Variants in PPP2R1B observed in about 807,000 individuals in gnomAD.
PPP2R1B encodes protein phosphatase 2 scaffold subunit Abeta.
A neutral mutation model predicts 72.7 loss-of-function variants in PPP2R1B; 58 were observed. The ratio of observed to expected loss-of-function variants is 0.80; its 90% CI spans 0.65 to 0.99. The LOEUF is 0.99. Ranked by LOEUF, PPP2R1B falls within the 50% of genes least tolerant of loss-of-function variation. The pLI is 0.00. For missense variants in PPP2R1B, 695 were observed against 733.6 expected (o/e 0.95, Z 0.61); for synonymous variants, 256 against 264.6 (o/e 0.97, Z 0.32).
the PPP2R1B span, chr11:111,705,216 C>T: frequency 2.1e-6 from 3 of 1,402,766 alleles, no homozygotes; most frequent in African/African-American, 4.5e-5. The surrounding 1 kb of genome is among the most constrained non-coding windows in gnomAD (Gnocchi z 4.3). Context: ...ATCTTATACA[C>T]AGGGTTAGGA....
At chr11:111,705,180 C>G in the PPP2R1B span, 1 of 1,489,088 alleles carries the variant, frequency 6.7e-7, no homozygotes, top group Middle Eastern at 1.8e-4. The surrounding 1 kb of genome is among the most constrained non-coding windows in gnomAD (Gnocchi z 4.3). Context: ...GTGCATGTGC[C>G]TGTTCACATG....
At chr11:111,704,771 C>A in the PPP2R1B span, among the ~76,000 whole-genome samples, 21 of 152,270 alleles carry the variant, frequency 1.4e-4, no homozygotes, top group African/African-American at 4.8e-4. Flanking sequence ...CTGGTAAACC[C>A]ATTTAAAGGG....
At chr11:111,710,945 T>C in the PPP2R1B span, among the ~76,000 whole-genome samples, 1 of 152,188 alleles carries the variant, frequency 6.6e-6, no homozygotes. Context: ...CTGCCTTTCA[T>C]AGTCTAGTAT....
downstream of PPP2R1B, chr11:111,724,170 T>A (rs765160763): frequency 6.4e-7 from 1 of 1,561,736 alleles, no homozygotes; most frequent in Non-Finnish European, 8.6e-7. Context: ...GAAGGAAGAG[T>A]GTATGTTCCT....
Position 111,741,480 on chromosome 11 carries a change from C to T in PPP2R1B, c.*116G>A. Reference sequence around the variant, plus strand: ...TAAATGATTTCTTCTAAGTTGTTGCCATTTGCTTGGATGAGATCTTGAAGG... The same window carrying T: ...TAAATGATTTCTTCTAAGTTGTTGCTATTTGCTTGGATGAGATCTTGAAGG... On this transcript the variant is annotated 3_prime_UTR_variant, in exon 15 of 15. Transcript: ENST00000527614. 2.0e-6 allele frequency: 3 copies of T among 1,510,784 alleles called. No homozygotes were observed. The highest frequency in any genetic ancestry group is 1.4e-5 in the South Asian group (1 of 72,638). 93.6% of individuals were successfully genotyped at this position (1,510,784 alleles called of 1,614,324 possible). A position where few individuals can be genotyped will look rare whatever the true frequency, so the allele number is the denominator to read the frequency against.
At chr11:111,722,557 A>T, downstream of PPP2R1B, 1 of 1,053,052 alleles carries the variant, frequency 9.5e-7, no homozygotes, top group Admixed American at 2.0e-5. This position sits in a 1 kb window ranked among gnomAD's most constrained non-coding sequence, Gnocchi z 4.4. Flanking sequence ...CCCCGTGTGG[A>T]TTCTGTAGAA....
chr11:111,722,422 C>G (rs1943829280), downstream of PPP2R1B, among the ~76,000 whole-genome samples: 1 of 152,230 alleles, frequency 6.6e-6, no homozygotes, highest in East Asian at 1.9e-4. The surrounding 1 kb of genome is among the most constrained non-coding windows in gnomAD (Gnocchi z 4.4). Context: ...TGTCCATGAG[C>G]CTCACAGTCC....
chr11:111,762,582 G>T (rs1163374682), intron 3 of PPP2R1B, among the ~76,000 whole-genome samples: 12 of 150,536 alleles, frequency 8.0e-5, no homozygotes. Context: ...AAGAGACAGG[G>T]TCTTGCTCTG....
chr11:111,712,154 G>T, the PPP2R1B span: 1 of 1,486,564 alleles, frequency 6.7e-7, no homozygotes, highest in South Asian at 1.2e-5. Flanking sequence ...AGAACTTTGT[G>T]TATTTATAGA....
intron 3 of PPP2R1B, among the ~76,000 whole-genome samples, chr11:111,762,418 A>G (rs1229856643): frequency 6.6e-6 from 1 of 152,072 alleles, no homozygotes; most frequent in Non-Finnish European, 1.5e-5. Context: ...GTACCACTGG[A>G]TAATAGCTAT....
In PPP2R1B at chr11:111,740,986, G is replaced by A. The variant is rs969068166; in HGVS notation, c.*610C>T. 22 of 985,528 alleles carry A rather than the reference G, an allele frequency of 2.2e-5. No individual in the cohort carries two copies. The highest frequency in any genetic ancestry group is 2.7e-5 in the Non-Finnish European group (22 of 830,124). 61.0% of individuals were successfully genotyped at this position (985,528 alleles called of 1,614,324 possible). A position where few individuals can be genotyped will look rare whatever the true frequency, so the allele number is the denominator to read the frequency against. ...CACACTTCAGGTTTCTGAATGACAT[G>A]AGTACAGACAAAATTGAGCAAATAA... On this transcript the variant is annotated 3_prime_UTR_variant, in exon 15 of 15. Transcript: ENST00000527614.
chr11:111,765,334 T>C lies in PPP2R1B; in HGVS notation c.165A>G (p.Gly55=). Residue 55 remains glycine (G), a synonymous_variant, in exon 2 of 15, where the codon GGA becomes GGG. Transcript: ENST00000527614. ...ACAATTCACTTCGGGTCCTTTCTAC[T>C]CCAAGTGCTAGGGCAATTGTTGATA... ...KKLSTIALAL[G]VERTRSELLP... The C allele has an allele frequency of 6.2e-7, 1 of 1,613,788 alleles. No homozygotes were observed. The highest frequency in any genetic ancestry group is 8.5e-7 in the Non-Finnish European group (1 of 1,179,704).
downstream of PPP2R1B, chr11:111,737,591 C>T (rs1241139486): frequency 1.2e-6 from 2 of 1,614,112 alleles, no homozygotes; most frequent in South Asian, 1.1e-5. Flanking sequence ...GACAGTGGCG[C>T]TGTAACTGTC....
the PPP2R1B span, among the ~76,000 whole-genome samples, chr11:111,692,265 T>C: frequency 1.4e-5 from 2 of 140,272 alleles, no homozygotes; most frequent in South Asian, 2.2e-4. Flanking sequence ...GCAGGAGAAT[T>C]GCTTGAACCC....
chr11:111,723,921 C>T (rs746560391), downstream of PPP2R1B: 48 of 1,613,684 alleles, frequency 3.0e-5, no homozygotes, highest in Middle Eastern at 1.6e-4. Flanking sequence ...GCTTCCCCTG[C>T]GCCAGACTAT....
At chr11:111,756,931 T>C (rs1555049875) in intron 5 of PPP2R1B, among the ~76,000 whole-genome samples, 1 of 151,926 alleles carries the variant, frequency 6.6e-6, no homozygotes. Flanking sequence ...CTGGCCAACA[T>C]GGTGAAACCC....
At chr11:111,723,564 T>G (rs1045364725), downstream of PPP2R1B, 2 of 1,614,082 alleles carry the variant, frequency 1.2e-6, no homozygotes, top group Non-Finnish European at 1.7e-6. Flanking sequence ...CAGATGCAGA[T>G]AGCAGAGAGC....
chr11:111,695,116 CTCATT>C, the PPP2R1B span, among the ~76,000 whole-genome samples: 1 of 152,222 alleles, frequency 6.6e-6, no homozygotes, highest in East Asian at 1.9e-4. Flanking sequence ...CTCTCCACCT[CTCATT>C]TGTCAGCTTT....
chr11:111,727,118 T>C lies in PPP2R1B; in HGVS notation c.1912-61A>G, dbSNP rs531301993. On this transcript the variant is annotated intron_variant, in intron 15 of 15. Coordinates refer to the PPP2R1B transcript ENST00000311129. The stretch of plus-strand genomic sequence containing the variant: ...AGGGGGCCCACTTTCACATTCCCGG[T>C]GACACTGACCGTCCCCAGCTGCCCC... The C allele has an allele frequency of 2.0e-5, 29 of 1,448,868 alleles. No homozygotes were observed. In the East Asian group the frequency reaches 5.7e-4, roughly 28 times the overall value. The allele number at this position is 1,448,868 out of a possible 1,614,324, so 89.8% of individuals were successfully genotyped here.
Sources: allele counts gnomAD v4.1 joint callset (sites outside exome capture counted in the v4.1 genomes callset), GRCh38; gene constraint gnomAD v4.1.1; non-coding constraint Gnocchi (gnomAD v3.1); transcripts MANE v1.5; gene names NCBI Gene and HGNC (gene_info 2026-07-23, HGNC 2026-07-21).